The following GLI2 variants were observed in gnomAD, a reference collection of about 807,000 sequenced individuals.
The protein encoded by GLI2 is GLI family zinc finger 2.
Under a neutral mutation model 78.9 loss-of-function variants are expected in GLI2, and 22 were observed. The ratio of observed to expected loss-of-function variants is 0.28; its 90% CI spans 0.20 to 0.40. The LOEUF is 0.40. GLI2 is among the 10% of genes least tolerant of loss of function. The pLI, the probability that GLI2 is intolerant of heterozygous loss-of-function variation, is 1.00. For missense variants in GLI2, 2,097 were observed against 2,213.2 expected, an observed-to-expected ratio of 0.95 and a Z score of 1.05; for synonymous variants, 974 against 963.7, an observed-to-expected ratio of 1.01 and a Z score of -0.20.
Position 120,986,582 on chromosome 2 carries a change from G to C in GLI2, c.2210G>C (p.Arg737Pro), listed in dbSNP as rs144782119. 4 of 1,613,940 alleles carry C rather than the reference G, an allele frequency of 2.5e-6. No individual in the cohort carries two copies. In the Admixed American group the frequency reaches 5.0e-5, roughly 20 times the overall value. ...TGGGCCGGGCCGACTCCACACACGC[G>C]GAACACCAAGCTGCCTCCCCTCCCG... ...CSWAGPTPHT[R>P]NTKLPPLPGS... Residue 737 changes from arginine (R) to proline (P), a missense_variant, in exon 13 of 14, where the codon CGG becomes CCG. Coordinates refer to ENST00000361492, the MANE Select transcript of GLI2 (RefSeq NM_001374353.1).
chr2:120,798,460 C>T (rs1356906494), intron 2 of GLI2, among the ~76,000 whole-genome samples: 2 of 152,318 alleles, frequency 1.3e-5, no homozygotes, highest in East Asian at 3.9e-4. Context: ...CTCGGAGGGG[C>T]TTAGGAGTTG....
chr2:120,808,805 C>A (rs1267947102), intron 2 of GLI2, among the ~76,000 whole-genome samples: 3 of 152,158 alleles, frequency 2.0e-5, no homozygotes, highest in African/African-American at 7.2e-5. Context: ...GGTGGCCTGG[C>A]ATGTGGGCAG....
chr2:120,856,882 G>T (rs1283768762), intron 2 of GLI2, among the ~76,000 whole-genome samples: 1 of 152,076 alleles, frequency 6.6e-6, no homozygotes, highest in African/African-American at 2.4e-5. Flanking sequence ...CTCACTTCAG[G>T]CCTGGAGGGA....
chr2:120,944,557 T>C (rs114096822), intron 3 of GLI2, among the ~76,000 whole-genome samples: 3,923 of 152,252 alleles, frequency 0.026, 178 homozygotes, highest in African/African-American at 0.091. Flanking sequence ...GGGGATCAGC[T>C]GAAATTAGGC....
intron 2 of GLI2, among the ~76,000 whole-genome samples, chr2:120,917,548 T>C (rs937309013): frequency 6.6e-6 from 1 of 152,234 alleles, no homozygotes; most frequent in African/African-American, 2.4e-5. Context: ...GCGCCCCCTT[T>C]CCTGGAGGGA....
chr2:120,941,805 ACAAGCCAGCGGTTC>A (rs1680460188), intron 3 of GLI2, among the ~76,000 whole-genome samples: 1 of 152,228 alleles, frequency 6.6e-6, no homozygotes, highest in Non-Finnish European at 1.5e-5. Context: ...GCTGGTGTAC[ACAAGCCAGCGGTTC>A]CGAGGCAGGA....
intron 5 of GLI2, 69 bp downstream of exon 5, chr2:120,955,499 C>T (rs756844140): frequency 2.4e-5 from 26 of 1,076,614 alleles, no homozygotes; most frequent in Non-Finnish European, 3.2e-5. Flanking sequence ...GAAGGTCACT[C>T]GCTGTTTCTT....
intron 1 of GLI2, among the ~76,000 whole-genome samples, chr2:120,764,906 G>A (rs1183542187): frequency 6.6e-6 from 1 of 152,210 alleles, no homozygotes; most frequent in Non-Finnish European, 1.5e-5. Flanking sequence ...GTGTCTTTGT[G>A]TTAGCTCTGC....
At chr2:120,912,274 G>GTTTTTT (rs564285080) in intron 2 of GLI2, among the ~76,000 whole-genome samples, 14 of 136,914 alleles carry the variant, frequency 1.0e-4, no homozygotes, top group African/African-American at 3.3e-4. Context: ...TTTGCAAGAG[G>GTTTTTT]TTTTTTTTTT....
At chr2:120,774,001 C>A (rs979382478) in intron 1 of GLI2, among the ~76,000 whole-genome samples, 1 of 149,170 alleles carries the variant, frequency 6.7e-6, no homozygotes, top group African/African-American at 2.5e-5. Flanking sequence ...CTTCCTCCCC[C>A]CTTTCTTCCC....
intron 1 of GLI2, among the ~76,000 whole-genome samples, chr2:120,758,263 C>A (rs968044950): frequency 2.6e-5 from 4 of 152,370 alleles, no homozygotes; most frequent in African/African-American, 9.6e-5. Context: ...ACAATCTCAG[C>A]AGCTTTTCTG....
chr2:120,886,885 C>T (rs1677439707), intron 2 of GLI2, among the ~76,000 whole-genome samples: 1 of 152,206 alleles, frequency 6.6e-6, no homozygotes, highest in Non-Finnish European at 1.5e-5. Flanking sequence ...GAGAAGATGC[C>T]ACGGTCTGTC....
intron 2 of GLI2, among the ~76,000 whole-genome samples, chr2:120,810,356 C>T (rs1685178941): frequency 6.6e-6 from 1 of 152,204 alleles, no homozygotes; most frequent in African/African-American, 2.4e-5. Flanking sequence ...AGACTATAGC[C>T]CTCGGAAGTG....
Position 120,802,818 on chromosome 2 carries a change from A to G in GLI2, c.148+5350A>G, listed in dbSNP as rs529791571. Among the ~76,000 whole-genome samples, 9 of 152,338 alleles carry G rather than the reference A, an allele frequency of 5.9e-5. No homozygotes were observed. In the South Asian group the frequency reaches 1.0e-3, roughly 18 times the overall value. On this transcript the variant is annotated intron_variant, in intron 2 of 13. Coordinates refer to ENST00000361492, the MANE Select transcript of GLI2 (RefSeq NM_001374353.1). ...CCAACGCCCACCTCTTCCACGAAGC[A>G]TCCACTGTGTGCTGGGCCAGGTGTC...
chr2:120,819,308 T>C (rs913144470), intron 2 of GLI2, among the ~76,000 whole-genome samples: 2 of 151,062 alleles, frequency 1.3e-5, no homozygotes, highest in African/African-American at 4.9e-5. Flanking sequence ...GGTGTGATCT[T>C]GGCTCACTGC....
At chr2:120,986,250 C>G (rs759156142) in intron 12 of GLI2, 28 bp from the exon 13 acceptor site, 1 of 1,601,520 alleles carries the variant, frequency 6.2e-7, no homozygotes, top group East Asian at 2.2e-5. Flanking sequence ...CCCTCTGAGT[C>G]TGAGCCTTCT....
rs977276519 is a variant in GLI2 at position 120,736,115 on chromosome 2, C to G, written c.-201C>G. The G allele has an allele frequency of 6.3e-4, 95 of 150,522 alleles. No individual in the cohort carries two copies. Among genetic ancestry groups the G allele is most frequent in the African/African-American group, 2.3e-3 (95 of 40,992 alleles). 9.3% of individuals were successfully genotyped at this position (150,522 alleles called of 1,614,324 possible). A position where few individuals can be genotyped will look rare whatever the true frequency, so the allele number is the denominator to read the frequency against. On this transcript the variant is annotated 5_prime_UTR_variant, in exon 1 of 14. Coordinates refer to ENST00000361492, the MANE Select transcript of GLI2 (RefSeq NM_001374353.1). ...TAGGGGCTGCGCGGCGCCCGCCCGCCTCTCGGTCCCCTCTCTTGCCTGGCC... is the reference window on the plus strand; with the variant it reads ...TAGGGGCTGCGCGGCGCCCGCCCGCGTCTCGGTCCCCTCTCTTGCCTGGCC...
intron 11 of GLI2, among the ~76,000 whole-genome samples, chr2:120,983,880 AGTGTGTGTGCACAT>A (rs1260440197): frequency 4.6e-5 from 7 of 150,950 alleles, no homozygotes; most frequent in Admixed American, 4.6e-4. Flanking sequence ...CTTAGAGGGG[AGTGTGTGTGCACAT>A]GTGTGTATGT....
At chr2:120,927,291 C>A in intron 2 of GLI2, 70 bp from the exon 3 acceptor site, 1 of 1,094,708 alleles carries the variant, frequency 9.1e-7, no homozygotes, top group Non-Finnish European at 1.4e-6. Context: ...AGCTTTAAAG[C>A]CCTTTGAAAG....
Sources: gnomAD v4.1 joint callset for allele counts (sites outside exome capture counted in the v4.1 genomes callset) on GRCh38, gnomAD v4.1.1 for gene constraint, MANE v1.5 for transcripts, NCBI Gene and HGNC (gene_info 2026-07-23, HGNC 2026-07-21) for gene names.